Variants in TEKTL1 observed in about 807,000 individuals in gnomAD.
TEKTL1 encodes tektin like 1.
At chr19:15,013,694 T>A in the TEKTL1 span, 1 of 1,613,590 alleles carries the variant, frequency 6.2e-7, no homozygotes, top group Non-Finnish European at 8.5e-7. Flanking sequence ...GCTGACAGTA[T>A]GCTTACATGG....
At chr19:15,020,229 G>A in the TEKTL1 span, among the ~76,000 whole-genome samples, 6 of 151,192 alleles carry the variant, frequency 4.0e-5, no homozygotes, top group African/African-American at 1.5e-4. Context: ...GATTACTTGA[G>A]CCCAGGATGT....
chr19:15,021,856 C>A, the TEKTL1 span: 1 of 1,614,078 alleles, frequency 6.2e-7, no homozygotes, highest in Non-Finnish European at 8.5e-7. Flanking sequence ...TGGACAGACC[C>A]CTGGTTCGCA....
the TEKTL1 span, among the ~76,000 whole-genome samples, chr19:15,019,006 T>C: frequency 6.6e-6 from 1 of 152,042 alleles, no homozygotes; most frequent in Non-Finnish European, 1.5e-5. Context: ...TACAGTGCAG[T>C]GGTGCAATCA....
the TEKTL1 span, among the ~76,000 whole-genome samples, chr19:15,015,815 G>A: frequency 3.9e-5 from 6 of 152,114 alleles, no homozygotes; most frequent in African/African-American, 1.4e-4. Context: ...TGTACACTTA[G>A]CAAGGTTAAA....
the TEKTL1 span, among the ~76,000 whole-genome samples, chr19:15,020,202 G>A: frequency 6.6e-6 from 1 of 151,844 alleles, no homozygotes; most frequent in African/African-American, 2.4e-5. Context: ...CAGCTACTCA[G>A]GAGGCTTAGG....
chr19:15,021,257 C>T, the TEKTL1 span: 7 of 1,484,414 alleles, frequency 4.7e-6, no homozygotes, highest in South Asian at 6.5e-5. Context: ...AAAACCCCCT[C>T]GCCCAGGGCC....
chr19:15,014,735 G>GGC, the TEKTL1 span, among the ~76,000 whole-genome samples: 610 of 122,732 alleles, frequency 5.0e-3, 15 homozygotes, highest in Middle Eastern at 0.012. Context: ...GGGGGGCGGG[G>GGC]GGCGGGGGCT....
the TEKTL1 span, chr19:15,022,956 G>A: frequency 1.2e-6 from 2 of 1,613,044 alleles, no homozygotes; most frequent in Non-Finnish European, 8.5e-7. Flanking sequence ...CTCAGCTGGG[G>A]CCTCAACTGC....
the TEKTL1 span, among the ~76,000 whole-genome samples, chr19:15,011,947 T>C: frequency 6.6e-6 from 1 of 152,010 alleles, no homozygotes; most frequent in Non-Finnish European, 1.5e-5. Context: ...GGTGAGAACC[T>C]GTCTCTACCA....
At chr19:15,013,370 T>C in the TEKTL1 span, among the ~76,000 whole-genome samples, 1 of 151,668 alleles carries the variant, frequency 6.6e-6, no homozygotes, top group Non-Finnish European at 1.5e-5. Context: ...CCTCAGGGGG[T>C]GAGAACAACC....
At chr19:15,022,991 G>C in the TEKTL1 span, 9 of 1,613,150 alleles carry the variant, frequency 5.6e-6, no homozygotes, top group Admixed American at 1.7e-5. Flanking sequence ...TGAGGTGGAC[G>C]GCAACGTGGT....
the TEKTL1 span, among the ~76,000 whole-genome samples, chr19:15,011,754 A>C: frequency 0.24 from 34,098 of 143,600 alleles, 4,563 homozygotes; most frequent in African/African-American, 0.36. Context: ...AAAAAAAAAT[A>C]TTTCCATAGA....
chr19:15,016,294 A>G, the TEKTL1 span, among the ~76,000 whole-genome samples: 1 of 148,712 alleles, frequency 6.7e-6, no homozygotes, highest in African/African-American at 2.5e-5. Context: ...AGTTCAAGCA[A>G]TTCTCCGACC....
At chr19:15,011,331 G>T in the TEKTL1 span, 3 of 1,499,530 alleles carry the variant, frequency 2.0e-6, no homozygotes, top group South Asian at 2.7e-5. Context: ...AGCGAAGTGC[G>T]CAAGGGTCTG....
At chr19:15,022,030 C>T in the TEKTL1 span, 1 of 812,570 alleles carries the variant, frequency 1.2e-6, no homozygotes, top group South Asian at 1.7e-5. Flanking sequence ...GTCGGCCTGT[C>T]CTTCAACTCC....
At chr19:15,018,298 G>C in the TEKTL1 span, among the ~76,000 whole-genome samples, 1 of 152,186 alleles carries the variant, frequency 6.6e-6, no homozygotes, top group Non-Finnish European at 1.5e-5. Flanking sequence ...AGGTTTCAGT[G>C]AGCCAAGATC....
At chr19:15,010,853 C>T in the TEKTL1 span, 2 of 1,547,708 alleles carry the variant, frequency 1.3e-6, no homozygotes, top group Non-Finnish European at 1.7e-6. Context: ...CCCGGCTGAG[C>T]GCAGCCAGGA....
At chr19:15,016,973 C>A in the TEKTL1 span, among the ~76,000 whole-genome samples, 1 of 152,132 alleles carries the variant, frequency 6.6e-6, no homozygotes, top group Non-Finnish European at 1.5e-5. Flanking sequence ...TTGGGAGGCC[C>A]AAGCAGGAGA....
At chr19:15,022,756 A>T in the TEKTL1 span, 1 of 1,060,954 alleles carries the variant, frequency 9.4e-7, no homozygotes, top group Non-Finnish European at 1.3e-6. Context: ...TGGCCCATTC[A>T]GATGTGTTCC....
Sources: allele counts gnomAD v4.1 joint callset (sites outside exome capture counted in the v4.1 genomes callset), GRCh38; gene constraint gnomAD v4.1.1; transcripts MANE v1.5; gene names NCBI Gene and HGNC (gene_info 2026-07-23, HGNC 2026-07-21).